Variants in TBC1D31 observed in about 807,000 individuals in gnomAD.
TBC1D31 encodes WD repeat domain 67.
Under a neutral mutation model 132.9 loss-of-function variants are expected in TBC1D31, and 99 were observed. The ratio of observed to expected loss-of-function variants is 0.74; its 90% CI spans 0.63 to 0.88. The LOEUF (loss-of-function observed/expected upper bound fraction) is 0.88, where lower values mean the gene tolerates loss of function less well. Ranked by LOEUF, TBC1D31 falls within the 40% of genes least tolerant of loss-of-function variation. The pLI is 0.00. For synonymous variants in TBC1D31, 385 were observed against 419.4 expected (o/e 0.92, Z 1.00); for missense variants, 1,134 against 1,256.6 (o/e 0.90, Z 1.48).
intron 11 of TBC1D31, among the ~76,000 whole-genome samples, chr8:123,121,167 A>G (rs1280851134): frequency 6.7e-6 from 1 of 148,948 alleles, no homozygotes; most frequent in African/African-American, 2.6e-5. Context: ...CACATTGGCC[A>G]GGCTGGTCTC....
At position 123,129,066 on chromosome 8, in the gene TBC1D31, G is replaced by A. The variant is rs747141076; in HGVS notation, c.2118G>A (p.Arg706=). ...TTCATAATAATATTACCTACTTAAG[G>A]CAGACAGTTGAAGATATGCAAGCTA... ...RNDELDYLRE[R]QTVEDMQAKV... The change falls in exon 15 of 22, where the codon AGG becomes AGA. Residue 706 remains arginine, a splice_region_variant and synonymous_variant. Transcript: ENST00000287380. The A allele has an allele frequency of 3.2e-6, 5 of 1,568,554 alleles. No homozygotes were observed. Among genetic ancestry groups the A allele is most frequent in the East Asian group, 2.3e-5 (1 of 44,080 alleles).
chr8:123,097,491 C>A, intron 6 of TBC1D31, 50 bp downstream of exon 6: 1 of 1,571,100 alleles, frequency 6.4e-7, no homozygotes, highest in Non-Finnish European at 8.7e-7. Flanking sequence ...AGAACGCATC[C>A]GTCTCTGAAC....
At chr8:123,163,107 G>A in the TBC1D31 span, among the ~76,000 whole-genome samples, 1 of 152,040 alleles carries the variant, frequency 6.6e-6, no homozygotes, top group Admixed American at 6.6e-5. Context: ...CTACAGGTGT[G>A]AGCCACTGCG....
Position 123,142,247 on chromosome 8 carries a change from A to G in TBC1D31, c.2641-15A>G, listed in dbSNP as rs754370561. On this transcript the variant is annotated splice_polypyrimidine_tract_variant and intron_variant, in intron 18 of 21. Coordinates refer to ENST00000287380, the MANE Select transcript of TBC1D31 (RefSeq NM_145647.4). ...TAGTTTGACCTTGTTTCTGAAATGT[A>G]TAACTTTTTCCTAGGTGATTAAAGA... 32 of 1,552,374 alleles carry G rather than the reference A, an allele frequency of 2.1e-5. No individual in the cohort carries two copies. The highest frequency in any genetic ancestry group is 2.6e-5 in the Non-Finnish European group (30 of 1,153,330).
chr8:123,085,552 A>C (rs1451727844), intron 4 of TBC1D31, among the ~76,000 whole-genome samples: 1 of 152,142 alleles, frequency 6.6e-6, no homozygotes, highest in East Asian at 1.9e-4. Flanking sequence ...CTCCTGCCTC[A>C]GCCTCCCAAG....
chr8:123,101,064 A>G (rs1177959333), intron 7 of TBC1D31, 57 bp downstream of exon 7: 6 of 1,241,028 alleles, frequency 4.8e-6, no homozygotes, highest in Non-Finnish European at 3.5e-6. Context: ...ATATTATATC[A>G]TCAAGAATAA....
intron 17 of TBC1D31, among the ~76,000 whole-genome samples, chr8:123,137,684 C>T (rs1410221401): frequency 3.3e-5 from 5 of 152,194 alleles, no homozygotes; most frequent in Admixed American, 6.5e-5. Flanking sequence ...TCTCTACAAC[C>T]CATCCAAAGG....
chr8:123,072,902 G>A, intron 1 of TBC1D31, 56 bp downstream of exon 1: 1 of 1,498,748 alleles, frequency 6.7e-7, no homozygotes, highest in East Asian at 2.5e-5. Flanking sequence ...CCGGCGAGGA[G>A]GGGACGCCGG....
At chr8:123,153,591 C>T (rs950909860), downstream of TBC1D31, among the ~76,000 whole-genome samples, 1 of 152,138 alleles carries the variant, frequency 6.6e-6, no homozygotes, top group Non-Finnish European at 1.5e-5. Context: ...TGGTTGAATC[C>T]CCTCAGTCAT....
At chr8:123,117,609 C>T (rs1039360566) in intron 10 of TBC1D31, among the ~76,000 whole-genome samples, 10 of 150,658 alleles carry the variant, frequency 6.6e-5, no homozygotes, top group Admixed American at 2.0e-4. Flanking sequence ...AAAAATTAGC[C>T]GGGCATGGTG....
At chr8:123,092,099 C>T (rs1816383633) in intron 4 of TBC1D31, among the ~76,000 whole-genome samples, 1 of 152,114 alleles carries the variant, frequency 6.6e-6, no homozygotes, top group Non-Finnish European at 1.5e-5. Context: ...ATTGCAACCT[C>T]CACCCTCCAG....
intron 17 of TBC1D31, among the ~76,000 whole-genome samples, chr8:123,136,830 T>C (rs1001726160): frequency 3.9e-5 from 6 of 152,130 alleles, no homozygotes; most frequent in Admixed American, 2.0e-4. Context: ...GAAGGAATTA[T>C]TTATTTAAAC....
At chr8:123,081,945 G>A (rs1032748731) in intron 2 of TBC1D31, among the ~76,000 whole-genome samples, 30 of 152,142 alleles carry the variant, frequency 2.0e-4, no homozygotes, top group African/African-American at 6.3e-4. Flanking sequence ...GAGCCAAAGC[G>A]TATCATATAT....
At chr8:123,135,600 A>G (rs902009946) in intron 17 of TBC1D31, among the ~76,000 whole-genome samples, 4 of 152,236 alleles carry the variant, frequency 2.6e-5, no homozygotes, top group African/African-American at 9.6e-5. Flanking sequence ...GTCTCAAAAA[A>G]AAAGTCATAC....
downstream of TBC1D31, among the ~76,000 whole-genome samples, chr8:123,156,930 G>A (rs970814534): frequency 6.6e-6 from 1 of 152,154 alleles, no homozygotes; most frequent in Non-Finnish European, 1.5e-5. Flanking sequence ...CCCTAACCCA[G>A]AGCTGTGCGC....
chr8:123,110,035 A>G (rs1818299685), intron 10 of TBC1D31, among the ~76,000 whole-genome samples: 1 of 152,228 alleles, frequency 6.6e-6, no homozygotes, highest in South Asian at 2.1e-4. Context: ...CAGAGGTTGC[A>G]GTGAGCTGAG....
In TBC1D31 at chr8:123,097,396, C is replaced by G; in HGVS notation, c.786C>G (p.Arg262=). 1.2e-6 allele frequency: 2 copies of G among 1,614,152 alleles called. No individual in the cohort carries two copies. The highest frequency in any genetic ancestry group is 4.5e-5 in the East Asian group (2 of 44,880). The change falls in exon 6 of 22, where the codon CGC becomes CGG. Residue 262 remains arginine, a synonymous_variant. Transcript: ENST00000287380. The stretch of plus-strand genomic sequence containing the variant: ...TGCCCACTAAAGTTCGAGCCATTCG[C>G]CATCTGGAATTTCTTCCTGATAGTT... ...IQMPTKVRAI[R]HLEFLPDSFD...
In TBC1D31 at chr8:123,102,032, T is replaced by C. The variant is rs544956804; in HGVS notation, c.1032+1025T>C. Among the ~76,000 whole-genome samples the C allele has an allele frequency of 1.5e-4, 23 of 152,332 alleles. No individual in the cohort carries two copies. The South Asian group carries it at 1.9e-3, about 12-fold the overall frequency. On this transcript the variant is annotated intron_variant, in intron 7 of 21. Transcript: ENST00000287380. ...TATTTCCTCGAACTTATAGCTTCCC[T>C]CATTATCCCCATAGACACCATCCTT... is the stretch of plus-strand genomic sequence containing the variant.
At chr8:123,150,179 A>G in intron 21 of TBC1D31, 51 bp downstream of exon 21, 3 of 1,421,238 alleles carry the variant, frequency 2.1e-6, no homozygotes, top group African/African-American at 1.4e-5. Flanking sequence ...ATTTCACAAT[A>G]TTTAAGCAAA....
Sources: gnomAD v4.1 joint callset for allele counts (sites outside exome capture counted in the v4.1 genomes callset) on GRCh38, gnomAD v4.1.1 for gene constraint, MANE v1.5 for transcripts, NCBI Gene and HGNC (gene_info 2026-07-23, HGNC 2026-07-21) for gene names.